Variants in ROBO2 observed in about 807,000 individuals in gnomAD.
ROBO2 encodes the protein roundabout homolog 2.
Under a neutral mutation model 160.8 loss-of-function variants are expected in ROBO2, and 53 were observed. That is an observed-to-expected ratio of 0.33 (90% CI 0.26 to 0.41). ROBO2 has a LOEUF of 0.41. Ranked by LOEUF, ROBO2 falls within the 10% of genes least tolerant of loss-of-function variation. The pLI, the probability that ROBO2 is intolerant of heterozygous loss-of-function variation, is 1.00. For missense variants in ROBO2, 1,577 were observed against 1,722.4 expected (o/e 0.92, Z 1.49); for synonymous variants, 664 against 611.7 (o/e 1.09, Z -1.26).
chr3:77,577,651 A>C (rs1298919194), intron 15 of ROBO2, 37 bp downstream of exon 16: 22 of 1,611,440 alleles, frequency 1.4e-5, no homozygotes, highest in Non-Finnish European at 1.9e-5. Flanking sequence ...TCTCATGTAA[A>C]GGTTCCCAGA....
At position 76,075,635 on chromosome 3, in the gene ROBO2, T is replaced by C. The variant is rs375210432; in HGVS notation, c.109+138033T>C. On this transcript the variant is annotated intron_variant, in intron 2 of 26. Transcript: ENST00000487694. ...CCAGGTATCACTCCATTCAAATCAG[T>C]GATTCGCTGTAGTATCCCAATAGCG... Among the ~76,000 whole-genome samples the C allele has an allele frequency of 7.2e-4, 109 of 152,324 alleles. 2 individuals carry two copies. The East Asian group carries it at 0.019, about 26-fold the overall frequency.
chr3:77,493,229 AT>A lies in ROBO2; in HGVS notation c.668-5del, dbSNP rs769192248. 280 of 1,482,646 alleles carry A rather than the reference AT, an allele frequency of 1.9e-4. No individual in the cohort carries two copies. The highest frequency in any genetic ancestry group is 3.5e-4 in the Middle Eastern group (2 of 5,642). The allele number at this position is 1,482,646 out of a possible 1,614,324, so 91.8% of individuals were successfully genotyped here. ...GTTTATCTCATTTTACCATTGTTTC[AT>A]TTTTTTTTTCAAGAACGACCCACAT... On this transcript the variant is annotated splice_polypyrimidine_tract_variant and intron_variant, in intron 4 of 25. Coordinates refer to ENST00000461745, the Ensembl canonical transcript of ROBO2.
At chr3:77,431,366 A>G (rs1346120743) in intron 2 of ROBO2, among the ~76,000 whole-genome samples, 1 of 152,242 alleles carries the variant, frequency 6.6e-6, no homozygotes, top group Non-Finnish European at 1.5e-5. Context: ...CCATTCATTC[A>G]ACAAATATTT....
intron 2 of ROBO2, among the ~76,000 whole-genome samples, chr3:76,596,801 A>G (rs1252345306): frequency 1.3e-5 from 2 of 152,114 alleles, no homozygotes; most frequent in African/African-American, 4.8e-5. Flanking sequence ...GGTATAGGAG[A>G]CATTGATTTT....
intron 2 of ROBO2, among the ~76,000 whole-genome samples, chr3:77,169,701 G>C (rs1027101813): frequency 2.0e-5 from 3 of 152,178 alleles, no homozygotes; most frequent in African/African-American, 7.2e-5. Context: ...GGACTGCCTT[G>C]ATGTTTGCAA....
intron 2 of ROBO2, among the ~76,000 whole-genome samples, chr3:76,619,640 G>C (rs1247320298): frequency 2.0e-5 from 3 of 152,186 alleles, no homozygotes; most frequent in Non-Finnish European, 2.9e-5. Context: ...GAGAGACTCA[G>C]TGAAGGACAT....
At chr3:77,358,369 G>C (rs1228055193) in intron 2 of ROBO2, among the ~76,000 whole-genome samples, 1 of 152,198 alleles carries the variant, frequency 6.6e-6, no homozygotes, top group African/African-American at 2.4e-5. Context: ...GCTTAGATTA[G>C]ATTGAGTGCA....
chr3:76,108,095 T>C (rs1179626935), intron 2 of ROBO2, among the ~76,000 whole-genome samples: 2 of 152,106 alleles, frequency 1.3e-5, no homozygotes, highest in African/African-American at 2.4e-5. Context: ...TGTGTAATAC[T>C]AGCAATGTAT....
At chr3:75,946,659 G>T (rs1948304745) in intron 2 of ROBO2, among the ~76,000 whole-genome samples, 1 of 151,956 alleles carries the variant, frequency 6.6e-6, no homozygotes, top group Non-Finnish European at 1.5e-5. Flanking sequence ...GAAGATCTGG[G>T]GTGCTCTGAG....
intron 2 of ROBO2, among the ~76,000 whole-genome samples, chr3:76,182,542 G>A (rs1474796682): frequency 6.6e-6 from 1 of 152,076 alleles, no homozygotes; most frequent in African/African-American, 2.4e-5. Context: ...ATTAACCCCT[G>A]TGTCCCTCCA....
chr3:77,587,834 T>A (rs2094091848), intron 16 of ROBO2, among the ~76,000 whole-genome samples: 1 of 152,096 alleles, frequency 6.6e-6, no homozygotes, highest in Admixed American at 6.6e-5. Context: ...AATCACTAAT[T>A]AGGCATGATA....
rs151152453 is a variant in ROBO2 at position 76,550,380 on chromosome 3, C to T, written c.110-547634C>T. Among the ~76,000 whole-genome samples the T allele has an allele frequency of 2.2e-4, 33 of 152,350 alleles. No homozygotes were observed. In the East Asian group the frequency reaches 4.2e-3, roughly 20 times the overall value. On this transcript the variant is annotated intron_variant, in intron 2 of 26. Coordinates refer to the ROBO2 transcript ENST00000487694. Reference sequence around the variant, plus strand: ...CCTCTGTATCCATAAATTCCACATCCATGAATTCAACAAATATTTGATAGA... The same window carrying T: ...CCTCTGTATCCATAAATTCCACATCTATGAATTCAACAAATATTTGATAGA...
rs78903002 is a variant in ROBO2 at position 76,660,839 on chromosome 3, A to G, written c.110-437175A>G. 8.0e-3 allele frequency among the ~76,000 whole-genome samples: 1,220 copies of G among 152,258 alleles called. 8 individuals are homozygous for G. Among genetic ancestry groups the G allele is most frequent in the African/African-American group, 0.026 (1,083 of 41,550 alleles). ...CTCAAAAAGAATTTACAGCTATTGA[A>G]TGTTTATGGACTTATTCACTTTAAG... On this transcript the variant is annotated intron_variant, in intron 2 of 26. Transcript: ENST00000487694.
chr3:77,215,544 A>T (rs1029889335), intron 2 of ROBO2, among the ~76,000 whole-genome samples: 4 of 151,848 alleles, frequency 2.6e-5, no homozygotes, highest in African/African-American at 9.7e-5. Context: ...TTTAGCTCAG[A>T]GTATTTGATC....
At chr3:76,306,754 T>C (rs2071354415) in intron 2 of ROBO2, among the ~76,000 whole-genome samples, 1 of 152,224 alleles carries the variant, frequency 6.6e-6, no homozygotes, top group Non-Finnish European at 1.5e-5. Flanking sequence ...CCTGGCTTAA[T>C]GTATAGGTTT....
At chr3:77,379,926 G>A (rs771981503) in intron 2 of ROBO2, among the ~76,000 whole-genome samples, 8 of 151,960 alleles carry the variant, frequency 5.3e-5, no homozygotes, top group Admixed American at 1.3e-4. Flanking sequence ...CTTTCACCCT[G>A]CACCTCTCAG....
At chr3:77,231,969 T>A (rs1046948036) in intron 2 of ROBO2, among the ~76,000 whole-genome samples, 1 of 152,216 alleles carries the variant, frequency 6.6e-6, no homozygotes, top group Non-Finnish European at 1.5e-5. Context: ...CATCTTTGGA[T>A]ATTTTTCTTT....
intron 2 of ROBO2, among the ~76,000 whole-genome samples, chr3:76,622,280 AAGAAAG>A (rs2089253762): frequency 1.1e-5 from 1 of 89,708 alleles, no homozygotes; most frequent in Non-Finnish European, 2.4e-5. Flanking sequence ...GAAAGAAAGA[AAGAAAG>A]AAAGAAAGAA....
intron 2 of ROBO2, among the ~76,000 whole-genome samples, chr3:76,522,715 T>G (rs1046912011): frequency 6.6e-6 from 1 of 152,028 alleles, no homozygotes; most frequent in Non-Finnish European, 1.5e-5. Flanking sequence ...CTGTCTATCC[T>G]ACATTCACTA....
Sources: gnomAD v4.1 joint callset for allele counts (sites outside exome capture counted in the v4.1 genomes callset) on GRCh38, gnomAD v4.1.1 for gene constraint, MANE v1.5 for transcripts, NCBI Gene and HGNC (gene_info 2026-07-23, HGNC 2026-07-21) for gene names.